Variants in ZNF785 observed in about 807,000 individuals in gnomAD.
The protein encoded by ZNF785 is zinc finger protein 785.
Under a neutral mutation model 11.3 loss-of-function variants are expected in ZNF785, and 15 were observed. The observed-to-expected ratio is 1.32, with a 90% confidence interval of 0.89 to 2.04. The LOEUF is 2.04. Ranked by LOEUF, ZNF785 falls within the 30% of genes most tolerant of loss-of-function variation. ZNF785 has a pLI of 0.00. For synonymous variants in ZNF785, 221 were observed against 231.0 expected (o/e 0.96, Z 0.39); for missense variants, 572 against 560.9 (o/e 1.02, Z -0.20).
chr16:30,582,865 T>G lies in ZNF785; in HGVS notation c.913A>C (p.Ile305Leu). The G allele has an allele frequency of 6.2e-7, 1 of 1,612,996 alleles. No homozygotes were observed. The highest frequency in any genetic ancestry group is 8.5e-7 in the Non-Finnish European group (1 of 1,179,670). Reference protein sequence around the residue: ...YTSLLAIHRRIHTGEKPYPCP... With the variant: ...YTSLLAIHRRLHTGEKPYPCP... ...GGGTAGGGCTTCTCGCCGGTGTGTATGCGCCTGTGGATGGCCAGCAGGGAG... is the reference window on the plus strand; with the variant it reads ...GGGTAGGGCTTCTCGCCGGTGTGTAGGCGCCTGTGGATGGCCAGCAGGGAG... The change falls in exon 3 of 3, where the codon ATA (isoleucine) becomes CTA (leucine). Residue 305 changes from isoleucine (I) to leucine (L), a missense_variant. Ile to Leu is a conservative substitution (Grantham distance 5). Coordinates refer to ENST00000395216, the MANE Select transcript of ZNF785 (RefSeq NM_152458.7).
rs770356641 is a variant in ZNF785 at position 30,585,401 on chromosome 16, C to T, written c.205+6G>A. The T allele has an allele frequency of 2.1e-5, 33 of 1,582,678 alleles. No individual in the cohort carries two copies. The highest frequency in any genetic ancestry group is 3.6e-5 in the Admixed American group (2 of 55,334). On this transcript the variant is annotated splice_donor_region_variant and intron_variant, in intron 1 of 2. Coordinates refer to ENST00000395216, the MANE Select transcript of ZNF785 (RefSeq NM_152458.7). The surrounding 1 kb of genome is among the most constrained non-coding windows in gnomAD (Gnocchi z 4.0). ...TGGGGGTCCCGGCCGGAGGGCCCGG[C>T]CTCACCCAGCGCGCCCAGGTGGCCG...
rs1004494641 is a variant in ZNF785 at position 30,585,573 on chromosome 16, G to A, written c.39C>T (p.Pro13=). The change falls in exon 1 of 3, where the codon CCC becomes CCT. Residue 13 remains proline, a synonymous_variant. Transcript: ENST00000395216. This position sits in a 1 kb window ranked among gnomAD's most constrained non-coding sequence, Gnocchi z 4.0. ...PPLAPRPAHV[P]GEAGPRRTRE... ...TCGTCCTCCGGGGCCCGGCCTCCCC[G>A]GGTACGTGGGCCGGGCGCGGCGCCA... 1.3e-6 allele frequency: 2 copies of A among 1,539,580 alleles called. No individual in the cohort carries two copies. Among genetic ancestry groups the A allele is most frequent in the South Asian group, 1.2e-5 (1 of 83,712 alleles).
rs748544633 is a variant in ZNF785 at position 30,582,858 on chromosome 16, G to C, written c.920C>G (p.Thr307Ser). ...AGGACAGGGGTAGGGCTTCTCGCCGGTGTGTATGCGCCTGTGGATGGCCAG... is the reference window on the plus strand; with the variant it reads ...AGGACAGGGGTAGGGCTTCTCGCCGCTGTGTATGCGCCTGTGGATGGCCAG... ...SLLAIHRRIH[T>S]GEKPYPCPDC... The change falls in exon 3 of 3, where the codon ACC (threonine) becomes AGC (serine). Residue 307 changes from threonine (T) to serine (S), a missense_variant. By Grantham distance (58) the Thr-to-Ser change is moderately conservative. Transcript: ENST00000395216. 6.2e-7 allele frequency: 1 copy of C among 1,612,702 alleles called. No individual in the cohort carries two copies. The highest frequency in any genetic ancestry group is 8.5e-7 in the Non-Finnish European group (1 of 1,179,230).
At position 30,582,207 on chromosome 16, in the gene ZNF785, A is replaced by C. The variant is rs929227370; in HGVS notation, c.*353T>G. The stretch of plus-strand genomic sequence containing the variant: ...TGCAGGCTCCTTTAATAGGCACTGG[A>C]ATGTAGGGGACCCCATCTCAGAGGA... On this transcript the variant is annotated 3_prime_UTR_variant, in exon 3 of 3. Coordinates refer to ENST00000395216, the MANE Select transcript of ZNF785 (RefSeq NM_152458.7). 7.7e-5 allele frequency: 21 copies of C among 272,972 alleles called. No homozygotes were observed. Among genetic ancestry groups the C allele is most frequent in the East Asian group, 4.8e-4 (5 of 10,310 alleles). The allele number at this position is 272,972 out of a possible 1,614,324, so 16.9% of individuals were successfully genotyped here.
Position 30,582,272 on chromosome 16 carries a change from G to A in ZNF785, c.*288C>T. On this transcript the variant is annotated 3_prime_UTR_variant, in exon 3 of 3. Coordinates refer to ENST00000395216, the MANE Select transcript of ZNF785 (RefSeq NM_152458.7). ...GGCCAAAAAGCAGAGAGCTACAAGG[G>A]AGAGAACAATCATGAAGGAAAAGCC... 1 of 455,872 alleles carries A rather than the reference G, an allele frequency of 2.2e-6. No individual in the cohort carries two copies. The highest frequency in any genetic ancestry group is 4.0e-6 in the Non-Finnish European group (1 of 250,858). The allele number at this position is 455,872 out of a possible 1,614,324, so 28.2% of individuals were successfully genotyped here. A position where few individuals can be genotyped will look rare whatever the true frequency, so the allele number is the denominator to read the frequency against.
chr16:30,582,502 T>C lies in ZNF785; in HGVS notation c.*58A>G. 6.3e-7 allele frequency: 1 copy of C among 1,594,032 alleles called. No individual in the cohort carries two copies. The highest frequency in any genetic ancestry group is 8.6e-7 in the Non-Finnish European group (1 of 1,168,468). ...CCACTTCCTTTCCTTATCCCCCAAATACACAAACCTTGCCTCTTCCTCTCC... is the reference window on the plus strand; with the variant it reads ...CCACTTCCTTTCCTTATCCCCCAAACACACAAACCTTGCCTCTTCCTCTCC... On this transcript the variant is annotated 3_prime_UTR_variant, in exon 3 of 3. Transcript: ENST00000395216.
downstream of ZNF785, among the ~76,000 whole-genome samples, chr16:30,580,104 G>C (rs2051786845): frequency 1.3e-5 from 2 of 150,828 alleles, no homozygotes; most frequent in South Asian, 4.2e-4. Flanking sequence ...AGCCAGGATG[G>C]TCTTGATCTC....
intron 2 of ZNF785, among the ~76,000 whole-genome samples, chr16:30,584,139 A>G (rs2051858769): frequency 6.6e-6 from 1 of 151,954 alleles, no homozygotes; most frequent in South Asian, 2.1e-4. Context: ...AGCAAGACTC[A>G]GTCTCAAAAA....
rs537297235 is a variant in ZNF785, at chr16:30,585,586, G to T, written c.26C>A (p.Pro9Gln). 1 of 1,519,072 alleles carries T rather than the reference G, an allele frequency of 6.6e-7. No homozygotes were observed. Among genetic ancestry groups the T allele is most frequent in the Admixed American group, 2.3e-5 (1 of 43,800 alleles). The allele number at this position is 1,519,072 out of a possible 1,614,324, so 94.1% of individuals were successfully genotyped here. The part of the protein sequence containing the change: MGPPLAPR[P>Q]AHVPGEAGPR... ...CCCGGCCTCCCCGGGTACGTGGGCCGGGCGCGGCGCCAGGGGCGGCCCCAT... is the reference window on the plus strand; with the variant it reads ...CCCGGCCTCCCCGGGTACGTGGGCCTGGCGCGGCGCCAGGGGCGGCCCCAT... The change falls in exon 1 of 3, where the codon CCG (proline) becomes CAG (glutamine). Residue 9 changes from proline (P) to glutamine (Q), a missense_variant. Physicochemically the swap from Pro to Gln is moderately conservative, Grantham distance 76. Transcript: ENST00000395216. This position sits in a 1 kb window ranked among gnomAD's most constrained non-coding sequence, Gnocchi z 4.0.
chr16:30,583,352 C>T lies in ZNF785; in HGVS notation c.426G>A (p.Trp142Ter), dbSNP rs1441014053. The change falls in exon 3 of 3, where the codon TGG becomes TGA. Residue 142 changes from tryptophan (W) to a stop codon, truncating the protein, a stop_gained. Transcript: ENST00000395216. LOFTEE classifies it low-confidence loss of function (END_TRUNC). ...VAHEVAVKEW[W>*]PSVACPEFCN... The stretch of plus-strand genomic sequence containing the variant: ...AGAACTCTGGGCAGGCGACGCTGGG[C>T]CACCACTCCTTGACAGCCACTTCAT... The T allele has an allele frequency of 3.1e-6, 5 of 1,613,372 alleles. No individual in the cohort carries two copies. In the African/African-American group the frequency reaches 4.0e-5, roughly 13 times the overall value.
intron 2 of ZNF785, chr16:30,583,692 A>G (rs2051852425): frequency 2.4e-6 from 1 of 417,918 alleles, no homozygotes; most frequent in African/African-American, 2.0e-5. Context: ...AGCACTGGAG[A>G]TAATGAAAGA....
rs1251755812 is a variant in ZNF785, at chr16:30,582,938, G to T, written c.840C>A (p.Gly280=). 6.2e-7 allele frequency: 1 copy of T among 1,613,874 alleles called. No homozygotes were observed. Among genetic ancestry groups the T allele is most frequent in the African/African-American group, 1.3e-5 (1 of 74,872 alleles). ...AATCGGGGCAGCTGTAGGGCTTCTC[G>T]CCCGTGTGCTTGCGCTGGTGGATGG... ...LLAIHQRKHT[G]EKPYSCPDCS... is the part of the protein sequence containing the mutation. The change falls in exon 3 of 3, where the codon GGC becomes GGA. Residue 280 remains glycine, a synonymous_variant. Coordinates refer to ENST00000395216, the MANE Select transcript of ZNF785 (RefSeq NM_152458.7).
chr16:30,582,859 T>C lies in ZNF785; in HGVS notation c.919A>G (p.Thr307Ala). ...GGACAGGGGTAGGGCTTCTCGCCGG[T>C]GTGTATGCGCCTGTGGATGGCCAGC... The part of the protein sequence containing the change: ...SLLAIHRRIH[T>A]GEKPYPCPDC... Residue 307 changes from threonine to alanine, a missense_variant, in exon 3 of 3, where the codon ACC becomes GCC. Transcript: ENST00000395216. The C allele has an allele frequency of 6.2e-7, 1 of 1,612,236 alleles. No individual in the cohort carries two copies. The highest frequency in any genetic ancestry group is 8.5e-7 in the Non-Finnish European group (1 of 1,179,076).
Position 30,582,117 on chromosome 16 carries a change from GC to G in ZNF785, c.*442del, listed in dbSNP as rs200277882. 6.8e-4 allele frequency: 110 copies of G among 160,622 alleles called. 1 individual carries two copies. The highest frequency in any genetic ancestry group is 2.2e-3 in the African/African-American group (92 of 41,364). 9.9% of individuals were successfully genotyped at this position (160,622 alleles called of 1,614,324 possible). A position where few individuals can be genotyped will look rare whatever the true frequency, so the allele number is the denominator to read the frequency against. On this transcript the variant is annotated 3_prime_UTR_variant, in exon 3 of 3. Coordinates refer to ENST00000395216, the MANE Select transcript of ZNF785 (RefSeq NM_152458.7). Reference sequence around the variant, plus strand: ...AGAAAAGAATCCTGGGATGAGCTCCGCCCCCCCCACCAGCCGAGGGACAGGC... The same window carrying G: ...AGAAAAGAATCCTGGGATGAGCTCCGCCCCCCCACCAGCCGAGGGACAGGC...
chr16:30,582,699 C>A lies in ZNF785; in HGVS notation c.1079G>T (p.Trp360Leu), dbSNP rs199507937. 6.2e-7 allele frequency: 1 copy of A among 1,613,832 alleles called. No individual in the cohort carries two copies. Among genetic ancestry groups the A allele is most frequent in the Non-Finnish European group, 8.5e-7 (1 of 1,179,842 alleles). ...KRKTALEAHR[W>L]IHRSCSERRA... Reference sequence around the variant, plus strand: ...CCTCTCGCTGCAGGAGCGGTGGATCCACCGATGGGCTTCCAGGGCGGTCTT... The same window carrying A: ...CCTCTCGCTGCAGGAGCGGTGGATCAACCGATGGGCTTCCAGGGCGGTCTT... The change falls in exon 3 of 3, where the codon TGG (tryptophan) becomes TTG (leucine). Residue 360 changes from tryptophan to leucine, a missense_variant. Transcript: ENST00000395216.
chr16:30,585,305 T>C lies in ZNF785; in HGVS notation c.206-55A>G. 1.9e-6 allele frequency: 3 copies of C among 1,599,102 alleles called. No homozygotes were observed. The highest frequency in any genetic ancestry group is 2.6e-6 in the Non-Finnish European group (3 of 1,173,226). ...AGCGCACGGGAGGGGAGAATGAGAC[T>C]GCTCCCTCGGCGCCCCGCTTCCAGC... On this transcript the variant is annotated intron_variant, in intron 1 of 2. Coordinates refer to ENST00000395216, the MANE Select transcript of ZNF785 (RefSeq NM_152458.7). The surrounding 1 kb of genome is among the most constrained non-coding windows in gnomAD (Gnocchi z 4.0).
At position 30,582,847 on chromosome 16, in the gene ZNF785, G is replaced by C. The variant is rs1225139971; in HGVS notation, c.931C>G (p.Pro311Ala). 3 of 1,611,972 alleles carry C rather than the reference G, an allele frequency of 1.9e-6. No individual in the cohort carries two copies. The highest frequency in any genetic ancestry group is 1.1e-5 in the South Asian group (1 of 90,936). ...IHRRIHTGEK[P>A]YPCPDCGRRF... ...CGGCCGCAGTCAGGACAGGGGTAGG[G>C]CTTCTCGCCGGTGTGTATGCGCCTG... The change falls in exon 3 of 3, where the codon CCC becomes GCC. Residue 311 changes from proline to alanine, a missense_variant. Coordinates refer to ENST00000395216, the MANE Select transcript of ZNF785 (RefSeq NM_152458.7).
chr16:30,579,004 T>C (rs1417671577), downstream of ZNF785: 1 of 151,490 alleles, frequency 6.6e-6, no homozygotes, highest in Non-Finnish European at 1.5e-5. Context: ...TTTTCCAGGC[T>C]CGTCTCAAAC....
chr16:30,579,556 T>C (rs570889348), downstream of ZNF785: 417 of 284,656 alleles, frequency 1.5e-3, 1 homozygote, highest in Non-Finnish European at 2.5e-3. Context: ...CCTGGCTAAT[T>C]TTTTGGTAGA....
Sources: gnomAD v4.1 joint callset for allele counts (sites outside exome capture counted in the v4.1 genomes callset) on GRCh38, gnomAD v4.1.1 for gene constraint, Gnocchi (gnomAD v3.1) non-coding constraint, MANE v1.5 for transcripts, NCBI Gene and HGNC (gene_info 2026-07-23, HGNC 2026-07-21) for gene names.